TSPAN9: variants seen among roughly 807,000 people sequenced by gnomAD.
TSPAN9 encodes tetraspanin 9, also known as tetraspanin-9.
A neutral mutation model predicts 31.0 loss-of-function variants in TSPAN9; 16 were observed. The observed-to-expected ratio is 0.52, with a 90% CI of 0.35 to 0.78. TSPAN9 has a LOEUF of 0.78. Among genes scored for constraint, TSPAN9 ranks in the 30% least tolerant of loss-of-function variants. The probability of loss-of-function intolerance (pLI) is 0.01; values close to 1 mark genes in which losing one functional copy is unlikely to be tolerated. For synonymous variants in TSPAN9, 145 were observed against 121.6 expected (o/e 1.19, Z -1.27); for missense variants, 272 against 312.5 (o/e 0.87, Z 0.98).
At chr12:3,156,595 A>C (rs997351638) in intron 2 of TSPAN9, among the ~76,000 whole-genome samples, 5 of 151,444 alleles carry the variant, frequency 3.3e-5, no homozygotes, top group Non-Finnish European at 7.4e-5. Flanking sequence ...TCCCCCTCCC[A>C]GATTCAAACC....
At chr12:3,240,790 G>A (rs1021303083) in intron 3 of TSPAN9, among the ~76,000 whole-genome samples, 2 of 152,164 alleles carry the variant, frequency 1.3e-5, no homozygotes, top group Non-Finnish European at 2.9e-5. Flanking sequence ...TACAACAATA[G>A]CACTGAGATG....
intron 3 of TSPAN9, among the ~76,000 whole-genome samples, chr12:3,264,127 T>C (rs1862500704): frequency 6.6e-6 from 1 of 152,196 alleles, no homozygotes; most frequent in African/African-American, 2.4e-5. Context: ...AGAGCCTGAC[T>C]GTACCTGTCG....
At chr12:3,269,501 CCT>C (rs1434035219) in intron 3 of TSPAN9, among the ~76,000 whole-genome samples, 3 of 146,262 alleles carry the variant, frequency 2.1e-5, no homozygotes, top group Non-Finnish European at 3.0e-5. Context: ...TGCAGCCTGC[CCT>C]CTCTGTGTTC....
At chr12:3,110,386 A>G (rs2098317879) in intron 2 of TSPAN9, among the ~76,000 whole-genome samples, 1 of 152,252 alleles carries the variant, frequency 6.6e-6, no homozygotes, top group African/African-American at 2.4e-5. Context: ...AGGGTCTCTT[A>G]AAGCCACCAT....
At chr12:3,193,314 G>A (rs1235461797) in intron 2 of TSPAN9, among the ~76,000 whole-genome samples, 1 of 152,180 alleles carries the variant, frequency 6.6e-6, no homozygotes, top group Non-Finnish European at 1.5e-5. Context: ...GTGGGAGTGA[G>A]GTTGGCTTTG....
chr12:3,279,597 G>A (rs1565644683), intron 5 of TSPAN9, among the ~76,000 whole-genome samples: 3 of 152,192 alleles, frequency 2.0e-5, no homozygotes, highest in Non-Finnish European at 2.9e-5. Flanking sequence ...CTGTAACCTC[G>A]CCAGGCTGGG....
chr12:3,120,675 C>T (rs764153357), intron 2 of TSPAN9, among the ~76,000 whole-genome samples: 2 of 152,204 alleles, frequency 1.3e-5, no homozygotes, highest in South Asian at 2.1e-4. Flanking sequence ...GAGCTTGGCA[C>T]GGGCCTGGGC....
At chr12:3,146,927 G>T (rs2098337532) in intron 2 of TSPAN9, among the ~76,000 whole-genome samples, 1 of 152,108 alleles carries the variant, frequency 6.6e-6, no homozygotes, top group Non-Finnish European at 1.5e-5. Flanking sequence ...ACACTTACAA[G>T]CTTGCACAAG....
chr12:3,202,428 T>G (rs1378024883), intron 3 of TSPAN9, among the ~76,000 whole-genome samples: 1 of 152,212 alleles, frequency 6.6e-6, no homozygotes, highest in African/African-American at 2.4e-5. Context: ...GAAACACTTT[T>G]TAGGGTGGGG....
At chr12:3,248,501 A>G (rs1298920970) in intron 3 of TSPAN9, among the ~76,000 whole-genome samples, 1 of 152,178 alleles carries the variant, frequency 6.6e-6, no homozygotes, top group Non-Finnish European at 1.5e-5. Flanking sequence ...TTTCCTTGAC[A>G]AACCTGCCCA....
chr12:3,186,534 C>T (rs2098361409), intron 2 of TSPAN9, among the ~76,000 whole-genome samples: 1 of 116,806 alleles, frequency 8.6e-6, no homozygotes, highest in Admixed American at 9.3e-5. Flanking sequence ...AGTGAGTGGG[C>T]CAGGAGTTTG....
At chr12:3,191,071 A>G (rs2098364120) in intron 2 of TSPAN9, among the ~76,000 whole-genome samples, 1 of 151,794 alleles carries the variant, frequency 6.6e-6, no homozygotes, top group Non-Finnish European at 1.5e-5. Context: ...TGTGGATGTT[A>G]GCCATTCGGG....
intron 2 of TSPAN9, among the ~76,000 whole-genome samples, chr12:3,136,249 T>C (rs575111145): frequency 6.6e-6 from 1 of 152,342 alleles, no homozygotes; most frequent in South Asian, 2.1e-4. Context: ...GGGGCAGCCC[T>C]GAATCCCTCC....
At chr12:3,085,409 GATGA>G (rs2098299945) in intron 2 of TSPAN9, among the ~76,000 whole-genome samples, 1 of 151,622 alleles carries the variant, frequency 6.6e-6, no homozygotes, top group Non-Finnish European at 1.5e-5. Flanking sequence ...TGTCTATCTA[GATGA>G]CCGTCTTTCC....
chr12:3,271,548 A>G (rs1167798717), intron 3 of TSPAN9, among the ~76,000 whole-genome samples: 1 of 151,436 alleles, frequency 6.6e-6, no homozygotes, highest in Non-Finnish European at 1.5e-5. Flanking sequence ...TATGCAGAAA[A>G]AAAAAAAAAA....
intron 2 of TSPAN9, among the ~76,000 whole-genome samples, chr12:3,118,235 C>A (rs1011917350): frequency 6.8e-6 from 1 of 146,300 alleles, no homozygotes; most frequent in Non-Finnish European, 1.5e-5. Context: ...TACCTGATTC[C>A]GCACCGCCCC....
intron 2 of TSPAN9, among the ~76,000 whole-genome samples, chr12:3,198,980 T>C (rs2098369539): frequency 6.6e-6 from 1 of 152,226 alleles, no homozygotes; most frequent in African/African-American, 2.4e-5. Context: ...CCATGCCTGT[T>C]GTGGTAGCTC....
intron 2 of TSPAN9, chr12:3,200,331 C>T (rs915615920): frequency 8.5e-5 from 13 of 152,236 alleles, no homozygotes; most frequent in African/African-American, 3.1e-4. Flanking sequence ...TTCAGAGTCG[C>T]GAGTCGGGGC....
At position 3,209,464 on chromosome 12, in the gene TSPAN9, C is replaced by T. The variant is rs186212560; in HGVS notation, c.63+8208C>T. ...AAGTCTTCTGGTGTACATGTGGAGG[C>T]GTTTCTTTAGGACAGTGCTTCTGGA... On this transcript the variant is annotated intron_variant, in intron 3 of 8. Transcript: ENST00000011898. Among the ~76,000 whole-genome samples, 114 of 152,112 alleles carry T rather than the reference C, an allele frequency of 7.5e-4. 1 individual carries two copies. Among genetic ancestry groups the T allele is most frequent in the African/African-American group, 2.7e-3 (112 of 41,510 alleles).
Sources: gnomAD v4.1 joint callset for allele counts (sites outside exome capture counted in the v4.1 genomes callset) on GRCh38, gnomAD v4.1.1 for gene constraint, MANE v1.5 for transcripts, NCBI Gene and HGNC (gene_info 2026-07-23, HGNC 2026-07-21) for gene names.